CDHR1: variants seen among roughly 807,000 people sequenced by gnomAD.
CDHR1 encodes the protein cadherin related family member 1, also known as cadherin-related family member 1.
In CDHR1, 61 loss-of-function variants were observed where a neutral mutation model predicts 72.1. That is an observed-to-expected ratio of 0.85 (90% CI 0.69 to 1.05). CDHR1 has a LOEUF of 1.05. Ranked by LOEUF, CDHR1 falls within the 50% of genes least tolerant of loss-of-function variation. The pLI, the probability that CDHR1 is intolerant of heterozygous loss-of-function variation, is 0.00. For missense variants in CDHR1, 1,186 were observed against 1,115.7 expected, an observed-to-expected ratio of 1.06 and a Z score of -0.90; for synonymous variants, 470 against 448.1, an observed-to-expected ratio of 1.05 and a Z score of -0.62.
Position 84,218,074 on chromosome 10 carries a change from T to C in CDHR1, c.*3453T>C. 2.0e-6 allele frequency: 2 copies of C among 985,458 alleles called. No individual in the cohort carries two copies. The highest frequency in any genetic ancestry group is 2.4e-6 in the Non-Finnish European group (2 of 829,940). 61.0% of individuals were successfully genotyped at this position (985,458 alleles called of 1,614,324 possible). A position where few individuals can be genotyped will look rare whatever the true frequency, so the allele number is the denominator to read the frequency against. On this transcript the variant is annotated 3_prime_UTR_variant, in exon 17 of 17. Coordinates refer to ENST00000623527, the MANE Select transcript of CDHR1 (RefSeq NM_033100.4). ...AGTCCACCTGCCAGGGGTGTTGGCA[T>C]CTGTTGACAGGCAGTGGCACATCCT...
At chr10:84,195,992 C>G (rs530944931) in intron 2 of CDHR1, among the ~76,000 whole-genome samples, 32 of 152,334 alleles carry the variant, frequency 2.1e-4, no homozygotes, top group African/African-American at 7.2e-4. Context: ...TTCTCCCTCA[C>G]TTTGTGGGTA....
At chr10:84,197,194 C>T (rs546265639) in intron 3 of CDHR1, among the ~76,000 whole-genome samples, 1 of 152,262 alleles carries the variant, frequency 6.6e-6, no homozygotes, top group African/African-American at 2.4e-5. Context: ...ACAGCCTCCA[C>T]TAGCTGCAGG....
chr10:84,219,039 G>A, downstream of CDHR1: 6 of 759,694 alleles, frequency 7.9e-6, no homozygotes, highest in South Asian at 2.0e-5. Context: ...CCATTTTACA[G>A]GTGAGAACAC....
rs1276667694 is a variant in CDHR1, at chr10:84,214,291, C to T, written c.2250C>T (p.Thr750=). The part of the protein sequence containing the change: ...LRKRPSPAPR[T]IRIEWLKSKS... Reference sequence around the variant, plus strand: ...AGCGGCCCAGCCCTGCGCCCCGCACCATCCGCATTGAGTGGCTCAAGTCCA... The same window carrying T: ...AGCGGCCCAGCCCTGCGCCCCGCACTATCCGCATTGAGTGGCTCAAGTCCA... The change falls in exon 17 of 17, where the codon ACC becomes ACT. Residue 750 remains threonine, a synonymous_variant. Coordinates refer to ENST00000623527, the MANE Select transcript of CDHR1 (RefSeq NM_033100.4). 4 of 1,613,878 alleles carry T rather than the reference C, an allele frequency of 2.5e-6. No individual in the cohort carries two copies. In the East Asian group the frequency reaches 8.9e-5, roughly 36 times the overall value.
At chr10:84,219,590 G>A (rs761234533), downstream of CDHR1, 1 of 256,244 alleles carries the variant, frequency 3.9e-6, no homozygotes, top group Non-Finnish European at 7.4e-6. Flanking sequence ...TGCTAATAAA[G>A]ATACCCGAGA....
At position 84,194,785 on chromosome 10, in the gene CDHR1, C is replaced by A; in HGVS notation, c.25C>A (p.Leu9Met). Residue 9 changes from leucine to methionine, a missense_variant, in exon 1 of 17, where the codon CTG becomes ATG. Transcript: ENST00000623527. Reference protein sequence around the residue: MRRCRWAALALGLLRLCLA... With the variant: MRRCRWAAMALGLLRLCLA... The stretch of plus-strand genomic sequence containing the variant: ...CATGAGGCGCTGCCGGTGGGCCGCC[C>A]TGGCCCTGGGGCTGCTGCGCCTCTG... The A allele has an allele frequency of 6.5e-7, 1 of 1,529,366 alleles. No individual in the cohort carries two copies. The highest frequency in any genetic ancestry group is 1.2e-5 in the South Asian group (1 of 83,662). 94.7% of individuals were successfully genotyped at this position (1,529,366 alleles called of 1,614,324 possible).
At chr10:84,206,698 G>A (rs146517412) in intron 10 of CDHR1, among the ~76,000 whole-genome samples, 4 of 152,246 alleles carry the variant, frequency 2.6e-5, no homozygotes, top group African/African-American at 7.2e-5. Context: ...ATCCACTCCC[G>A]GGCATAGGAA....
downstream of CDHR1, chr10:84,218,983 G>T: frequency 1.8e-6 from 1 of 560,926 alleles, no homozygotes; most frequent in Non-Finnish European, 2.9e-6. Flanking sequence ...AAAAAGCCTC[G>T]TATAATTACC....
At chr10:84,210,852 C>A in intron 12 of CDHR1, 149 bp from the exon 13 acceptor site, 1 of 846,242 alleles carries the variant, frequency 1.2e-6, no homozygotes, top group South Asian at 1.4e-5. Context: ...TTAGAGGTGA[C>A]CCTTACAGGA....
At chr10:84,202,603 G>C (rs1404536717) in intron 7 of CDHR1, among the ~76,000 whole-genome samples, 1 of 152,168 alleles carries the variant, frequency 6.6e-6, no homozygotes, top group African/African-American at 2.4e-5. Flanking sequence ...TCAGTGCGGG[G>C]CCCAAGTCCT....
At chr10:84,204,747 A>T in intron 9 of CDHR1, 142 bp downstream of exon 9, 1 of 663,074 alleles carries the variant, frequency 1.5e-6, no homozygotes, top group South Asian at 1.7e-5. Flanking sequence ...TGTGTCCAAG[A>T]CAAGCAAGTC....
Position 84,211,150 on chromosome 10 carries a change from CGTGGTGGCTGTCACA to C in CDHR1, c.1475_1485+4del, listed in dbSNP as rs1564664073. On this transcript the variant is annotated inframe_deletion and splice_region_variant, in exon 13 of 17. Transcript: ENST00000623527. ...CTGAGAACGCCCCAGGGGGCTCCAG[CGTGGTGGCTGTCACA>C]GTGGGTTGGGCACTGGCCCAGGGAC... 2 of 1,614,220 alleles carry C rather than the reference CGTGGTGGCTGTCACA, an allele frequency of 1.2e-6. No homozygotes were observed. The highest frequency in any genetic ancestry group is 3.3e-5 in the Admixed American group (2 of 60,030).
rs780807584 is a variant in CDHR1 at position 84,213,111 on chromosome 10, G to C, written c.1803G>C (p.Glu601Asp). 56 of 1,614,110 alleles carry C rather than the reference G, an allele frequency of 3.5e-5. No individual in the cohort carries two copies. The highest frequency in any genetic ancestry group is 4.7e-5 in the Non-Finnish European group (56 of 1,180,046). Reference protein sequence around the residue: ...VKIEAIDEDAEEPNNLVDYSI... With the variant: ...VKIEAIDEDADEPNNLVDYSI... ...CACAGGCCATAGACGAGGATGCAGA[G>C]GAACCCAACAACCTGGTGGACTATT... Residue 601 changes from glutamate (E) to aspartate (D), a missense_variant, in exon 16 of 17, where the codon GAG (glutamate) becomes GAC (aspartate). By Grantham distance (45) the Glu-to-Asp change is conservative. Transcript: ENST00000623527.
chr10:84,209,385 T>C (rs1189543961), intron 12 of CDHR1, among the ~76,000 whole-genome samples: 1 of 152,158 alleles, frequency 6.6e-6, no homozygotes, highest in Non-Finnish European at 1.5e-5. Flanking sequence ...TATTTATAAT[T>C]ATACACATAT....
At chr10:84,199,148 G>C (rs1481029229) in intron 5 of CDHR1, 27 bp downstream of exon 5, 1 of 1,540,250 alleles carries the variant, frequency 6.5e-7, no homozygotes, top group South Asian at 1.2e-5. Context: ...TAGAGGGGCT[G>C]ATTTTCCCAC....
intron 12 of CDHR1, among the ~76,000 whole-genome samples, chr10:84,210,568 AT>A (rs948827321): frequency 5.9e-5 from 9 of 151,964 alleles, no homozygotes; most frequent in Non-Finnish European, 1.2e-4. Context: ...CGCCTGACCT[AT>A]TTTTTTGTTT....
chr10:84,219,341 C>T (rs527648454), downstream of CDHR1: 205 of 1,536,594 alleles, frequency 1.3e-4, no homozygotes, highest in Middle Eastern at 8.6e-4. Context: ...TCTATGTTTA[C>T]AGAAGCAACT....
At chr10:84,205,223 T>C (rs1487015517) in intron 9 of CDHR1, among the ~76,000 whole-genome samples, 1 of 152,120 alleles carries the variant, frequency 6.6e-6, no homozygotes, top group Non-Finnish European at 1.5e-5. Flanking sequence ...AGTGTGCATG[T>C]CTATATGCCC....
chr10:84,203,200 T>C, intron 8 of CDHR1, 77 bp downstream of exon 8: 1 of 1,576,508 alleles, frequency 6.3e-7, no homozygotes, highest in Non-Finnish European at 8.7e-7. Flanking sequence ...AGGGACCCCC[T>C]GCTGGAGATG....
Sources: allele counts gnomAD v4.1 joint callset (sites outside exome capture counted in the v4.1 genomes callset), GRCh38; gene constraint gnomAD v4.1.1; transcripts MANE v1.5; gene names NCBI Gene and HGNC (gene_info 2026-07-23, HGNC 2026-07-21).